The following AK6 variants were observed in gnomAD, a reference collection of about 807,000 sequenced individuals.
The protein encoded by AK6 is adenylate kinase isoenzyme 6.
Under a neutral mutation model 23.7 loss-of-function variants are expected in AK6, and 24 were observed. That is an observed-to-expected ratio of 1.01 (90% CI 0.73 to 1.43). AK6 has a LOEUF of 1.43. Among genes scored for constraint, AK6 ranks in the 40% most tolerant of loss-of-function variants. AK6 has a pLI of 0.00. For synonymous variants in AK6, 73 were observed against 69.8 expected, an observed-to-expected ratio of 1.05 and a Z score of -0.23; for missense variants, 191 against 199.1, an observed-to-expected ratio of 0.96 and a Z score of 0.24.
At chr5:69,361,015 C>T (rs1194965488) in intron 2 of AK6, among the ~76,000 whole-genome samples, 2 of 151,908 alleles carry the variant, frequency 1.3e-5, no homozygotes, top group African/African-American at 4.8e-5. Context: ...GGCCGAAGAC[C>T]GAAAAACTGC....
At chr5:69,367,124 T>C (rs1309192289) in intron 1 of AK6, among the ~76,000 whole-genome samples, 1 of 152,134 alleles carries the variant, frequency 6.6e-6, no homozygotes, top group East Asian at 1.9e-4. Flanking sequence ...TGTCAGAATA[T>C]TACCCAGTGT....
chr5:69,369,350 C>T, intron 1 of AK6, 113 bp downstream of exon 1: 6 of 1,223,390 alleles, frequency 4.9e-6, no homozygotes, highest in Non-Finnish European at 6.6e-6. Flanking sequence ...TCGTGGCCCT[C>T]GGCCGGCCTC....
At chr5:69,364,703 A>G (rs1394410467) in intron 2 of AK6, 6 of 596,736 alleles carry the variant, frequency 1.0e-5, no homozygotes, top group East Asian at 5.4e-5. Context: ...CAACAAGGAG[A>G]AAATTGCTTT....
intron 4 of AK6, among the ~76,000 whole-genome samples, chr5:69,352,472 AT>A (rs1192472195): frequency 6.6e-6 from 1 of 150,494 alleles, no homozygotes; most frequent in Non-Finnish European, 1.5e-5. Flanking sequence ...GTTTGTTTGA[AT>A]TTCCCCCCCC....
chr5:69,354,244 GAAA>G (rs1174875218), intron 4 of AK6, among the ~76,000 whole-genome samples: 10 of 151,774 alleles, frequency 6.6e-5, no homozygotes, highest in Non-Finnish European at 1.3e-4. Context: ...TGTCTTGATT[GAAA>G]AAAAGCATAT....
intron 2 of AK6, among the ~76,000 whole-genome samples, chr5:69,360,196 G>A (rs543270355): frequency 7.2e-5 from 11 of 152,336 alleles, no homozygotes; most frequent in South Asian, 4.1e-4. Context: ...GAAAATGATA[G>A]TGTAGAAGAG....
At chr5:69,358,052 A>C (rs1431400276) in intron 2 of AK6, among the ~76,000 whole-genome samples, 1 of 152,218 alleles carries the variant, frequency 6.6e-6, no homozygotes, top group Non-Finnish European at 1.5e-5. Context: ...CTAGGGACAA[A>C]GATTAGAAGA....
intron 1 of AK6, 33 bp downstream of exon 1, chr5:69,369,430 C>T: frequency 6.2e-7 from 1 of 1,607,422 alleles, no homozygotes; most frequent in Non-Finnish European, 8.5e-7. Flanking sequence ...CCAGCCTGCC[C>T]CAGCCCAGTC....
Position 69,351,103 on chromosome 5 carries a change from T to G in AK6, c.*958A>C, listed in dbSNP as rs1470619770. ...AATAGAGAGTGACTGCTAAAGGGTA[T>G]AGGAGTTCCCTTTATCATCACTGCT... On this transcript the variant is annotated 3_prime_UTR_variant, in exon 5 of 5. Coordinates refer to ENST00000380822, the MANE Select transcript of AK6 (RefSeq NM_016283.5). The G allele has an allele frequency of 6.6e-6, 1 of 152,216 alleles. No homozygotes were observed. Among genetic ancestry groups the G allele is most frequent in the Non-Finnish European group, 1.5e-5 (1 of 68,042 alleles). The allele number at this position is 152,216 out of a possible 1,614,324, so 9.4% of individuals were successfully genotyped here. A position where few individuals can be genotyped will look rare whatever the true frequency, so the allele number is the denominator to read the frequency against.
At chr5:69,357,823 AG>A in intron 2 of AK6, among the ~76,000 whole-genome samples, 2 of 152,320 alleles carry the variant, frequency 1.3e-5, no homozygotes, top group Middle Eastern at 6.8e-3. Flanking sequence ...TTGAACAATA[AG>A]AAAAGTTAAA....
chr5:69,355,886 C>T lies in AK6; in HGVS notation c.180+9G>A, dbSNP rs1170902570. 1 of 1,607,306 alleles carries T rather than the reference C, an allele frequency of 6.2e-7. No individual in the cohort carries two copies. Among genetic ancestry groups the T allele is most frequent in the African/African-American group, 1.3e-5 (1 of 74,476 alleles). On this transcript the variant is annotated intron_variant, in intron 3 of 4. Transcript: ENST00000380822. ...ACAAATGCATACTTTATGAAAAAGT[C>T]ATACTTACTCTGTCTTCATCTAAAA...
chr5:69,366,046 C>T (rs1359434303), intron 2 of AK6, among the ~76,000 whole-genome samples: 1 of 152,186 alleles, frequency 6.6e-6, no homozygotes, highest in East Asian at 1.9e-4. Flanking sequence ...CAATGATCAT[C>T]TTAGAATATA....
chr5:69,352,034 T>A lies in AK6; in HGVS notation c.*27A>T. The A allele has an allele frequency of 6.4e-7, 1 of 1,561,852 alleles. No homozygotes were observed. Among genetic ancestry groups the A allele is most frequent in the Non-Finnish European group, 8.7e-7 (1 of 1,152,842 alleles). ...ATGTCGGCAGAGATATCAACAAGAG[T>A]GATTATTAAGTAGCTAGCCTTATAA... On this transcript the variant is annotated 3_prime_UTR_variant, in exon 5 of 5. Transcript: ENST00000380822.
chr5:69,353,456 C>A (rs1762002217), intron 4 of AK6, among the ~76,000 whole-genome samples: 1 of 152,038 alleles, frequency 6.6e-6, no homozygotes, highest in Admixed American at 6.6e-5. Context: ...AGCCACCACG[C>A]CCAGCTAATC....
rs1223983881 is a variant in AK6, at chr5:69,352,184, G to A, written c.396C>T (p.Ala132=). Reference sequence around the variant, plus strand: ...CGATTTCTTCCTTGTAGGATGCTGTGGCTTCTTCATAAAGAACTTGAAAAA... The same window carrying A: ...CGATTTCTTCCTTGTAGGATGCTGTAGCTTCTTCATAAAGAACTTGAAAAA... The part of the protein sequence containing the change: ...CEIFQVLYEE[A]TASYKEEIVH... The change falls in exon 5 of 5, where the codon GCC becomes GCT. Residue 132 remains alanine, a synonymous_variant. Transcript: ENST00000380822. 4 of 1,613,704 alleles carry A rather than the reference G, an allele frequency of 2.5e-6. 1 individual carries two copies. The highest frequency in any genetic ancestry group is 2.2e-5 in the South Asian group (2 of 91,050).
chr5:69,355,955 T>C lies in AK6; in HGVS notation c.122-2A>G, dbSNP rs766153493. On this transcript the variant is annotated splice_acceptor_variant, in intron 2 of 4. Coordinates refer to ENST00000380822, the MANE Select transcript of AK6 (RefSeq NM_016283.5). LOFTEE classifies it high-confidence loss of function. ...CATCATAGCCATCATACAATTGCTC[T>C]AAAAGAGATTTAGAATTGCTTGTTG... The C allele has an allele frequency of 1.9e-6, 3 of 1,595,870 alleles. No individual in the cohort carries two copies. The highest frequency in any genetic ancestry group is 1.2e-5 in the South Asian group (1 of 86,756).
rs1338240107 is a variant in AK6, at chr5:69,351,950, C to T, written c.*111G>A. 4 of 875,274 alleles carry T rather than the reference C, an allele frequency of 4.6e-6. No individual in the cohort carries two copies. Among genetic ancestry groups the T allele is most frequent in the Middle Eastern group, 2.3e-4 (1 of 4,414 alleles). The allele number at this position is 875,274 out of a possible 1,614,324, so 54.2% of individuals were successfully genotyped here. A position where few individuals can be genotyped will look rare whatever the true frequency, so the allele number is the denominator to read the frequency against. On this transcript the variant is annotated 3_prime_UTR_variant, in exon 5 of 5. Coordinates refer to ENST00000380822, the MANE Select transcript of AK6 (RefSeq NM_016283.5). ...AGGCATAAACCTATATACTATCCAC[C>T]TGCTGGTTCTGCAACATGATTTTAA...
intron 1 of AK6, among the ~76,000 whole-genome samples, chr5:69,367,564 T>C (rs2150742414): frequency 6.6e-6 from 1 of 152,176 alleles, no homozygotes; most frequent in East Asian, 1.9e-4. Flanking sequence ...ATTTACCTTT[T>C]TCTTTTTTTA....
At chr5:69,355,557 A>G in intron 4 of AK6, 92 bp downstream of exon 4, 1 of 1,358,048 alleles carries the variant, frequency 7.4e-7, no homozygotes. Flanking sequence ...AAAACAAAAC[A>G]AACAACAACA....
Sources: allele counts gnomAD v4.1 joint callset (sites outside exome capture counted in the v4.1 genomes callset), GRCh38; gene constraint gnomAD v4.1.1; transcripts MANE v1.5; gene names NCBI Gene and HGNC (gene_info 2026-07-23, HGNC 2026-07-21).